The following SDK1 variants were observed in gnomAD, a reference collection of about 807,000 sequenced individuals.
SDK1 encodes the protein protein sidekick-1.
In SDK1, 157 loss-of-function variants were observed where a neutral mutation model predicts 245.5. The observed-to-expected ratio is 0.64, with a 90% CI of 0.56 to 0.73. The LOEUF is 0.73. Ranked by LOEUF, SDK1 falls within the 30% of genes least tolerant of loss-of-function variation. The probability of loss-of-function intolerance (pLI) is 0.00; values close to 1 mark genes in which losing one functional copy is unlikely to be tolerated. For synonymous variants in SDK1, 1,647 were observed against 1,278.5 expected (o/e 1.29, Z -6.15); for missense variants, 3,583 against 3,002.3 (o/e 1.19, Z -4.52).
chr7:3,444,099 G>A (rs545172465), intron 1 of SDK1, among the ~76,000 whole-genome samples: 3 of 152,158 alleles, frequency 2.0e-5, no homozygotes, highest in Non-Finnish European at 2.9e-5. Flanking sequence ...TTTACCTTAC[G>A]TTGCTGTTTC....
chr7:3,403,864 T>TATATAC (rs1778975147), intron 1 of SDK1, among the ~76,000 whole-genome samples: 2 of 116,386 alleles, frequency 1.7e-5, no homozygotes, highest in Admixed American at 1.8e-4. Context: ...TATATATATA[T>TATATAC]ATATAATATA....
At chr7:3,599,090 CTTTTTTTTTTTTTT>C (rs58431507) in intron 1 of SDK1, among the ~76,000 whole-genome samples, 1 of 80,492 alleles carries the variant, frequency 1.2e-5, no homozygotes. Context: ...ACTAATCCAC[CTTTTTTTTTTTTTT>C]TTTTTTTTTT....
rs560124026 is a variant in SDK1, at chr7:3,357,328, G to GTTTTTTTTTTTTTTTTTTTTTTTTTTT, written c.298+55457_298+55483dup. Among the ~76,000 whole-genome samples the GTTTTTTTTTTTTTTTTTTTTTTTTTTT allele has an allele frequency of 1.1e-4, 6 of 52,946 alleles. 2 individuals are homozygous for GTTTTTTTTTTTTTTTTTTTTTTTTTTT. The highest frequency in any genetic ancestry group is 1.8e-4 in the Non-Finnish European group (5 of 28,316). The allele number at this position is 52,946 out of a possible 152,430, so 34.7% of individuals were successfully genotyped here. ...TTACTCTTGCTCCCCTTCTTTTAGT[G>GTTTTTTTTTTTTTTTTTTTTTTTTTTT]TTTTTTTTTTTTTTTTTTTTTTTTT... On this transcript the variant is annotated intron_variant, in intron 1 of 44. Coordinates refer to ENST00000404826, the MANE Select transcript of SDK1 (RefSeq NM_152744.4).
intron 1 of SDK1, among the ~76,000 whole-genome samples, chr7:3,583,030 T>G (rs1780560940): frequency 6.6e-6 from 1 of 152,134 alleles, no homozygotes; most frequent in Admixed American, 6.5e-5. Flanking sequence ...GTGACCCAGG[T>G]CTAGTCCTAA....
intron 44 of SDK1, among the ~76,000 whole-genome samples, chr7:4,247,524 G>A (rs149518533): frequency 1.1e-4 from 17 of 152,356 alleles, no homozygotes; most frequent in African/African-American, 3.1e-4. Flanking sequence ...CAGGTTGTGC[G>A]GAGCAGGCAG....
chr7:3,892,085 G>T (rs1414165385), intron 5 of SDK1, among the ~76,000 whole-genome samples: 1 of 151,842 alleles, frequency 6.6e-6, no homozygotes, highest in Non-Finnish European at 1.5e-5. Context: ...GCATATCTTG[G>T]GTTGCCATTT....
intron 20 of SDK1, among the ~76,000 whole-genome samples, chr7:4,068,437 G>A (rs983775322): frequency 6.6e-6 from 1 of 152,150 alleles, no homozygotes; most frequent in South Asian, 2.1e-4. Context: ...GTGACTATGA[G>A]GCTTACGTGC....
At chr7:4,181,143 C>G (rs940329703) in intron 35 of SDK1, among the ~76,000 whole-genome samples, 4 of 152,254 alleles carry the variant, frequency 2.6e-5, no homozygotes, top group African/African-American at 7.2e-5. Context: ...CACTTACTCT[C>G]TGTCACTGCA....
intron 44 of SDK1, among the ~76,000 whole-genome samples, chr7:4,263,527 G>T: frequency 1.0e-5 from 1 of 99,552 alleles, no homozygotes. Flanking sequence ...TCCTGAGTGG[G>T]GAGGCCGCGT....
At chr7:3,831,743 TATCGTATCTCATTAAAAAAAAAATTA>T (rs1779916842) in intron 5 of SDK1, among the ~76,000 whole-genome samples, 2 of 151,922 alleles carry the variant, frequency 1.3e-5, no homozygotes, top group Admixed American at 6.6e-5. Context: ...TGTATGTAAA[TATCGTATCTCATTAAAAAAAAAATTA>T]ATCACCCGGG....
chr7:3,930,170 GC>G (rs1562544480), intron 5 of SDK1, among the ~76,000 whole-genome samples: 1 of 152,076 alleles, frequency 6.6e-6, no homozygotes, highest in Non-Finnish European at 1.5e-5. Flanking sequence ...CTGAGACTTC[GC>G]CTTTATAACC....
At chr7:3,950,208 C>G (rs997360104) in intron 5 of SDK1, among the ~76,000 whole-genome samples, 2 of 152,226 alleles carry the variant, frequency 1.3e-5, no homozygotes, top group African/African-American at 4.8e-5. Flanking sequence ...AGGACACTGG[C>G]TGTGCTTGGA....
chr7:3,592,750 A>C (rs747496863), intron 1 of SDK1, among the ~76,000 whole-genome samples: 3 of 152,158 alleles, frequency 2.0e-5, no homozygotes, highest in African/African-American at 7.2e-5. Context: ...TTATATAAAG[A>C]ACTTTGCTCT....
At chr7:4,180,204 GGCTCCAGCTCTATGCCCAGCGCCCA>G (rs1782510514) in intron 35 of SDK1, among the ~76,000 whole-genome samples, 5 of 139,114 alleles carry the variant, frequency 3.6e-5, no homozygotes, top group South Asian at 2.4e-4. Flanking sequence ...CCCAGCGCCC[GGCTCCAGCTCTATGCCCAGCGCCCA>G]GCTCCAGCTC....
At chr7:4,104,318 C>T (rs963850183) in intron 22 of SDK1, among the ~76,000 whole-genome samples, 1 of 152,220 alleles carries the variant, frequency 6.6e-6, no homozygotes, top group Non-Finnish European at 1.5e-5. Context: ...GCTTTGGCCT[C>T]CTACAGTGCT....
At chr7:3,623,406 A>T (rs1044068218) in intron 2 of SDK1, among the ~76,000 whole-genome samples, 1 of 151,858 alleles carries the variant, frequency 6.6e-6, no homozygotes, top group Admixed American at 6.6e-5. Flanking sequence ...ACGCCTGGCT[A>T]ATTTTTTTAT....
At chr7:3,710,554 G>C (rs59839518) in intron 4 of SDK1, among the ~76,000 whole-genome samples, 2 of 152,110 alleles carry the variant, frequency 1.3e-5, no homozygotes, top group South Asian at 2.1e-4. Flanking sequence ...GTAGTTTCTC[G>C]TAGTTAAAAC....
chr7:4,062,615 G>A (rs1215338363), intron 19 of SDK1, among the ~76,000 whole-genome samples: 1 of 152,188 alleles, frequency 6.6e-6, no homozygotes, highest in African/African-American at 2.4e-5. Flanking sequence ...TATGAGGTCA[G>A]TGTTACCCAG....
At chr7:3,425,049 T>C (rs1779638027) in intron 1 of SDK1, among the ~76,000 whole-genome samples, 1 of 151,920 alleles carries the variant, frequency 6.6e-6, no homozygotes, top group Non-Finnish European at 1.5e-5. Context: ...ACATTCTCTA[T>C]GTGGAAAAAG....
Sources: gnomAD v4.1 joint callset for allele counts (sites outside exome capture counted in the v4.1 genomes callset) on GRCh38, gnomAD v4.1.1 for gene constraint, MANE v1.5 for transcripts, NCBI Gene and HGNC (gene_info 2026-07-23, HGNC 2026-07-21) for gene names.